ZNF131: variants seen among roughly 807,000 people sequenced by gnomAD.
ZNF131 encodes the protein zinc finger and BTB domain containing 35, also known as zinc finger protein 131.
A neutral mutation model predicts 60.0 loss-of-function variants in ZNF131; 7 were observed. The ratio of observed to expected loss-of-function variants is 0.12; its 90% CI spans 0.07 to 0.22. The LOEUF (loss-of-function observed/expected upper bound fraction) is 0.22, where lower values mean the gene tolerates loss of function less well. ZNF131 is among the 10% of genes least tolerant of loss of function. The pLI is 1.00. For missense variants in ZNF131, 493 were observed against 740.9 expected, an observed-to-expected ratio of 0.67 and a Z score of 3.88; for synonymous variants, 257 against 253.2, an observed-to-expected ratio of 1.01 and a Z score of -0.14.
At chr5:43,122,245 C>T in intron 2 of ZNF131, 68 bp downstream of exon 2, 2 of 1,388,358 alleles carry the variant, frequency 1.4e-6, no homozygotes, top group Non-Finnish European at 1.9e-6. Context: ...CGGACACCCG[C>T]CTTTTTTTTT....
At chr5:43,126,523 C>T (rs1048972952) in intron 3 of ZNF131, among the ~76,000 whole-genome samples, 6 of 152,146 alleles carry the variant, frequency 3.9e-5, no homozygotes, top group South Asian at 4.1e-4. Context: ...TTCTTCTCTC[C>T]GTGACTTCCC....
chr5:43,146,512 G>A lies in ZNF131; in HGVS notation c.371+7203G>A, dbSNP rs181951467. Among the ~76,000 whole-genome samples, 10 of 152,132 alleles carry A rather than the reference G, an allele frequency of 6.6e-5. No homozygotes were observed. In the East Asian group the frequency reaches 1.5e-3, roughly 24 times the overall value. On this transcript the variant is annotated intron_variant, in intron 4 of 6. Coordinates refer to ENST00000682664, the MANE Select transcript of ZNF131 (RefSeq NM_001330707.2). ...GCTGAGGCTGAGGCAGGAGAATGGC[G>A]TGAACCTGGGAGGCAGAGCTTGCAG...
At position 43,122,069 on chromosome 5, in the gene ZNF131, A is replaced by G. The variant is rs1408123338; in HGVS notation, c.16A>G (p.Thr6Ala). Residue 6 changes from threonine to alanine, a missense_variant, in exon 2 of 7, where the codon ACG becomes GCG. By Grantham distance (58) the Thr-to-Ala change is moderately conservative. Around this residue, in one of 7 missense-constraint regions of ZNF131, gnomAD observed 66 missense variants for 148.0 expected, o/e 0.45. Transcript: ENST00000682664. MEAEETMECLQEFPEH... is the reference protein window; with the variant it reads MEAEEAMECLQEFPEH... The stretch of plus-strand genomic sequence containing the variant: ...CCCGACGGCCATGGAGGCTGAAGAG[A>G]CGATGGAATGCCTTCAGGAGTTCCC... 2.5e-6 allele frequency: 4 copies of G among 1,613,904 alleles called. No homozygotes were observed. The highest frequency in any genetic ancestry group is 3.4e-6 in the Non-Finnish European group (4 of 1,179,980).
intron 3 of ZNF131, among the ~76,000 whole-genome samples, chr5:43,138,853 G>T (rs1467237757): frequency 6.6e-6 from 1 of 152,146 alleles, no homozygotes; most frequent in East Asian, 1.9e-4. Context: ...AGCTGAGTTG[G>T]CACAGCTGTA....
intron 1 of ZNF131, 59 bp from the exon 2 acceptor site, chr5:43,121,980 G>C: frequency 6.4e-7 from 1 of 1,559,314 alleles, no homozygotes; most frequent in Non-Finnish European, 8.7e-7. Flanking sequence ...TTATGCTTTA[G>C]GGGTTTTGTT....
At chr5:43,152,904 C>G (rs1748503251) in intron 4 of ZNF131, among the ~76,000 whole-genome samples, 1 of 152,114 alleles carries the variant, frequency 6.6e-6, no homozygotes, top group Admixed American at 6.5e-5. Flanking sequence ...GCCACCACAC[C>G]CAGCTTGACA....
intron 4 of ZNF131, among the ~76,000 whole-genome samples, chr5:43,159,747 A>C (rs2111908906): frequency 6.6e-6 from 1 of 151,798 alleles, no homozygotes; most frequent in East Asian, 1.9e-4. Flanking sequence ...AATGTTTGCA[A>C]CTATTTTCTT....
At chr5:43,143,829 C>T (rs1393652614) in intron 4 of ZNF131, among the ~76,000 whole-genome samples, 2 of 134,840 alleles carry the variant, frequency 1.5e-5, no homozygotes, top group African/African-American at 5.6e-5. Flanking sequence ...TTGCTAAGGT[C>T]TTTCCTGGAC....
intron 4 of ZNF131, among the ~76,000 whole-genome samples, chr5:43,150,243 A>G (rs1748128481): frequency 2.0e-5 from 3 of 152,190 alleles, no homozygotes; most frequent in African/African-American, 2.4e-5. Flanking sequence ...TGGACAATAA[A>G]TAAACCTACT....
At chr5:43,139,717 G>A (rs1746560819) in intron 4 of ZNF131, among the ~76,000 whole-genome samples, 1 of 152,132 alleles carries the variant, frequency 6.6e-6, no homozygotes. Context: ...GTTTAATAAG[G>A]AGATAATCAT....
intron 1 of ZNF131, 154 bp from the exon 2 acceptor site, chr5:43,121,885 G>GCTCGCCTTTCTTCC (rs1169260674): frequency 2.7e-5 from 22 of 826,310 alleles, no homozygotes; most frequent in Admixed American, 3.5e-5. Context: ...GGGCCGCTCG[G>GCTCGCCTTTCTTCC]CTCGCCTTTC....
At chr5:43,145,726 C>T (rs114260653) in intron 4 of ZNF131, among the ~76,000 whole-genome samples, 1,771 of 152,110 alleles carry the variant, frequency 0.012, 29 homozygotes, top group African/African-American at 0.038. Flanking sequence ...CAAAGGAAAC[C>T]GTACTTTTTC....
In ZNF131 at chr5:43,153,940, C is replaced by T. The variant is rs183076338; in HGVS notation, c.372-7309C>T. Among the ~76,000 whole-genome samples, 5 of 152,252 alleles carry T rather than the reference C, an allele frequency of 3.3e-5. No individual in the cohort carries two copies. In the East Asian group the frequency reaches 7.7e-4, roughly 23 times the overall value. On this transcript the variant is annotated intron_variant, in intron 4 of 6. Transcript: ENST00000682664. Reference sequence around the variant, plus strand: ...TGGTAGCATGAAACATCCATCAGTACCTTGACTGTTATTGATTAGCTTTTG... The same window carrying T: ...TGGTAGCATGAAACATCCATCAGTATCTTGACTGTTATTGATTAGCTTTTG...
rs1749628297 is a variant in ZNF131 at position 43,161,014 on chromosome 5, C to T, written c.372-235C>T. 2.0e-5 allele frequency among the ~76,000 whole-genome samples: 3 copies of T among 152,218 alleles called. No homozygotes were observed. In the South Asian group the frequency reaches 6.2e-4, roughly 32 times the overall value. Reference sequence around the variant, plus strand: ...TTTTTCCCCCATAAAAATCAGTTGACTAAGCGTGGGTCTATTTCCATGGAC... The same window carrying T: ...TTTTTCCCCCATAAAAATCAGTTGATTAAGCGTGGGTCTATTTCCATGGAC... On this transcript the variant is annotated intron_variant, in intron 4 of 6. Coordinates refer to ENST00000682664, the MANE Select transcript of ZNF131 (RefSeq NM_001330707.2).
intron 4 of ZNF131, among the ~76,000 whole-genome samples, chr5:43,147,180 T>G (rs114706304): frequency 1.9e-3 from 295 of 152,240 alleles, no homozygotes; most frequent in South Asian, 4.6e-3. Context: ...CTGAGTAGTA[T>G]TCCACAGTGT....
At chr5:43,123,033 T>C (rs1467074425) in intron 2 of ZNF131, among the ~76,000 whole-genome samples, 176 bp from the exon 3 acceptor site, 3 of 152,242 alleles carry the variant, frequency 2.0e-5, no homozygotes, top group Non-Finnish European at 4.4e-5. Context: ...CTAATTGAGA[T>C]TAACATTTGC....
At chr5:43,158,132 C>A (rs1749184497) in intron 4 of ZNF131, among the ~76,000 whole-genome samples, 1 of 152,010 alleles carries the variant, frequency 6.6e-6, no homozygotes, top group African/African-American at 2.4e-5. Context: ...CCATGCCTGG[C>A]TGATTTTGTA....
chr5:43,139,199 G>C lies in ZNF131; in HGVS notation c.261G>C (p.Glu87Asp), dbSNP rs746887222. Residue 87 changes from glutamate to aspartate, a missense_variant, in exon 4 of 7, where the codon GAG becomes GAC. Glu to Asp is a conservative substitution (Grantham distance 45). Transcript: ENST00000682664. ...AAATGGCCTTTCGCCATTTAATTGAGTTCACATATACAGCAAAATTAATGA... is the reference window on the plus strand; with the variant it reads ...AAATGGCCTTTCGCCATTTAATTGACTTCACATATACAGCAAAATTAATGA... Reference protein sequence around the residue: ...VSKMAFRHLIEFTYTAKLMIQ... With the variant: ...VSKMAFRHLIDFTYTAKLMIQ... 16 of 1,609,524 alleles carry C rather than the reference G, an allele frequency of 9.9e-6. No individual in the cohort carries two copies. In the South Asian group the frequency reaches 1.8e-4, roughly 18 times the overall value.
chr5:43,134,946 C>T (rs1223774560), intron 3 of ZNF131, among the ~76,000 whole-genome samples: 2 of 151,796 alleles, frequency 1.3e-5, no homozygotes, highest in East Asian at 1.9e-4. Context: ...GATCCATCCA[C>T]CTCAGCCTCC....
Sources: allele counts gnomAD v4.1 joint callset (sites outside exome capture counted in the v4.1 genomes callset), GRCh38; gene constraint gnomAD v4.1.1; regional missense constraint gnomAD v4.1.1; transcripts MANE v1.5; gene names NCBI Gene and HGNC (gene_info 2026-07-23, HGNC 2026-07-21).